The following DSCAM variants were observed in gnomAD, a reference collection of about 807,000 sequenced individuals.
DSCAM encodes the protein cell adhesion molecule DSCAM.
A neutral mutation model predicts 217.7 loss-of-function variants in DSCAM; 47 were observed. The observed-to-expected ratio is 0.22, with a 90% CI of 0.17 to 0.28. DSCAM has a LOEUF of 0.28. DSCAM is among the 10% of genes least tolerant of loss of function. DSCAM has a pLI of 1.00. For synonymous variants in DSCAM, 1,056 were observed against 1,015.3 expected, an observed-to-expected ratio of 1.04 and a Z score of -0.76; for missense variants, 2,080 against 2,618.3, an observed-to-expected ratio of 0.79 and a Z score of 4.49.
intron 8 of DSCAM, among the ~76,000 whole-genome samples, chr21:40,317,893 A>G (rs1408046037): frequency 1.3e-5 from 2 of 152,126 alleles, no homozygotes. Context: ...GTGATGATGA[A>G]CATATGTTTA....
chr21:40,055,913 A>G, intron 28 of DSCAM, 73 bp from the exon 29 acceptor site: 1 of 1,104,664 alleles, frequency 9.1e-7, no homozygotes, highest in Non-Finnish European at 1.4e-6. Flanking sequence ...GCACCTGTAT[A>G]CCAACTTAGT....
intron 20 of DSCAM, among the ~76,000 whole-genome samples, chr21:40,105,628 A>G (rs190596043): frequency 2.0e-5 from 3 of 152,068 alleles, no homozygotes; most frequent in East Asian, 3.9e-4. Context: ...AGTCAATTAA[A>G]CCTCTTTCCT....
At chr21:40,315,196 C>T (rs977622080) in intron 8 of DSCAM, among the ~76,000 whole-genome samples, 32 of 151,834 alleles carry the variant, frequency 2.1e-4, no homozygotes, top group African/African-American at 7.8e-4. Flanking sequence ...GTCAGGAGTT[C>T]GTGAGCAGCC....
intron 11 of DSCAM, among the ~76,000 whole-genome samples, chr21:40,214,998 T>A (rs2091229022): frequency 9.9e-6 from 1 of 100,878 alleles, no homozygotes; most frequent in Non-Finnish European, 2.2e-5. Flanking sequence ...GGCGGGTGGA[T>A]CACGAGGTCA....
intron 11 of DSCAM, among the ~76,000 whole-genome samples, chr21:40,208,849 A>G (rs941525741): frequency 6.6e-6 from 1 of 152,152 alleles, no homozygotes; most frequent in African/African-American, 2.4e-5. Context: ...TAAAAATCTA[A>G]AACAGGCCAA....
chr21:40,140,675 T>A (rs2090278846), intron 18 of DSCAM, among the ~76,000 whole-genome samples: 1 of 152,146 alleles, frequency 6.6e-6, no homozygotes, highest in Non-Finnish European at 1.5e-5. Context: ...TTTTGCAAAT[T>A]TTCATTGCTC....
intron 3 of DSCAM, among the ~76,000 whole-genome samples, chr21:40,682,534 AAAAG>A (rs756522231): frequency 2.5e-4 from 38 of 150,470 alleles, no homozygotes; most frequent in South Asian, 1.7e-3. Context: ...AGAAAAAGAA[AAAAG>A]AAAGAAAGAA....
At chr21:40,656,251 A>C (rs555805283) in intron 3 of DSCAM, among the ~76,000 whole-genome samples, 1 of 152,170 alleles carries the variant, frequency 6.6e-6, no homozygotes, top group Non-Finnish European at 1.5e-5. Context: ...TTTGAAGGCT[A>C]CATTCAACCT....
intron 2 of DSCAM, among the ~76,000 whole-genome samples, chr21:40,702,606 G>A (rs138744442): frequency 2.6e-5 from 4 of 151,904 alleles, no homozygotes; most frequent in African/African-American, 9.7e-5. Context: ...CAGGTTACTG[G>A]AACATTTAAA....
intron 1 of DSCAM, among the ~76,000 whole-genome samples, chr21:40,833,209 T>C (rs1236416351): frequency 6.6e-6 from 1 of 152,076 alleles, no homozygotes; most frequent in Admixed American, 6.5e-5. Context: ...TCTTCAAGCG[T>C]TTCTCCACAT....
chr21:40,238,053 T>C (rs555114261), intron 11 of DSCAM, among the ~76,000 whole-genome samples: 1 of 152,134 alleles, frequency 6.6e-6, no homozygotes, highest in South Asian at 2.1e-4. Context: ...TTGTGGAAGA[T>C]TGGGAGAAAA....
chr21:40,397,691 A>G (rs540085160), intron 3 of DSCAM, among the ~76,000 whole-genome samples: 6 of 152,090 alleles, frequency 3.9e-5, no homozygotes, highest in Middle Eastern at 3.4e-3. Flanking sequence ...TACCAATACT[A>G]CTGTTACCAC....
intron 12 of DSCAM, among the ~76,000 whole-genome samples, chr21:40,188,325 CAT>C (rs1399409603): frequency 6.6e-6 from 1 of 152,200 alleles, no homozygotes; most frequent in Non-Finnish European, 1.5e-5. Flanking sequence ...ATATATCCCA[CAT>C]ATACATTTTT....
intron 1 of DSCAM, among the ~76,000 whole-genome samples, chr21:40,788,045 T>C (rs1176648412): frequency 1.3e-5 from 2 of 152,214 alleles, no homozygotes; most frequent in Non-Finnish European, 2.9e-5. Flanking sequence ...GGACTGTCTG[T>C]GGAACATCCA....
intron 1 of DSCAM, among the ~76,000 whole-genome samples, chr21:40,784,032 C>A (rs1569034625): frequency 6.8e-6 from 1 of 147,326 alleles, no homozygotes; most frequent in Non-Finnish European, 1.5e-5. Flanking sequence ...TAAAATAACT[C>A]ATCTTTTATT....
rs998018065 is a variant in DSCAM, at chr21:40,832,512, A to C, written c.43+14107T>G. 1.4e-4 allele frequency among the ~76,000 whole-genome samples: 22 copies of C among 152,294 alleles called. 1 individual carries two copies. The highest frequency in any genetic ancestry group is 5.3e-4 in the African/African-American group (22 of 41,566). The stretch of plus-strand genomic sequence containing the variant: ...ATCTATGCAGATAATTACTCTCTCT[A>C]TGAGTAATTCTTGTGGCCCAGGGGT... On this transcript the variant is annotated intron_variant, in intron 1 of 32. Transcript: ENST00000400454.
intron 11 of DSCAM, among the ~76,000 whole-genome samples, chr21:40,240,476 C>T (rs1370046482): frequency 1.4e-5 from 2 of 146,400 alleles, no homozygotes; most frequent in Non-Finnish European, 3.0e-5. Flanking sequence ...TACACTTTGT[C>T]TGCCTTTAAT....
intron 1 of DSCAM, among the ~76,000 whole-genome samples, chr21:40,803,777 A>T (rs4818181): frequency 6.8e-6 from 1 of 147,538 alleles, no homozygotes; most frequent in Non-Finnish European, 1.5e-5. Flanking sequence ...AAGAATGGGG[A>T]AAAAAAAAAC....
chr21:40,419,542 C>T (rs1014559743), intron 3 of DSCAM, among the ~76,000 whole-genome samples: 5 of 152,116 alleles, frequency 3.3e-5, no homozygotes, highest in Non-Finnish European at 5.9e-5. Context: ...CTTCTATACC[C>T]AGCCATCTTA....
Sources: gnomAD v4.1 joint callset for allele counts (sites outside exome capture counted in the v4.1 genomes callset) on GRCh38, gnomAD v4.1.1 for gene constraint, MANE v1.5 for transcripts, NCBI Gene and HGNC (gene_info 2026-07-23, HGNC 2026-07-21) for gene names.